SLC22A8: variants seen among roughly 807,000 people sequenced by gnomAD.
SLC22A8 encodes the protein solute carrier family 22 member 8, also known as organic anion transporter 3.
Under a neutral mutation model 48.4 loss-of-function variants are expected in SLC22A8, and 40 were observed. The ratio of observed to expected loss-of-function variants is 0.83; its 90% confidence interval spans 0.64 to 1.08. The LOEUF is 1.08. SLC22A8 is among the 50% of genes least tolerant of loss of function. The probability of loss-of-function intolerance (pLI) is 0.00; values close to 1 mark genes in which losing one functional copy is unlikely to be tolerated. For missense variants in SLC22A8, 606 were observed against 699.0 expected, an observed-to-expected ratio of 0.87 and a Z score of 1.50; for synonymous variants, 268 against 286.3, an observed-to-expected ratio of 0.94 and a Z score of 0.65.
At chr11:63,012,368 C>T (rs2086629277) in intron 2 of SLC22A8, among the ~76,000 whole-genome samples, 1 of 148,840 alleles carries the variant, frequency 6.7e-6, no homozygotes, top group African/African-American at 2.4e-5. Context: ...TCACTGCTCA[C>T]TAACTCTCAC....
At chr11:62,999,633 T>C in intron 4 of SLC22A8, 55 bp downstream of exon 4, 4 of 1,398,582 alleles carry the variant, frequency 2.9e-6, no homozygotes, top group Non-Finnish European at 3.8e-6. Flanking sequence ...CCATTCTCTT[T>C]TGGCTTCTGG....
chr11:63,004,424 G>C (rs1163543209), intron 2 of SLC22A8, among the ~76,000 whole-genome samples: 1 of 152,092 alleles, frequency 6.6e-6, no homozygotes, highest in Non-Finnish European at 1.5e-5. Flanking sequence ...TGTTCGCCTT[G>C]CTGCTCCATA....
intron 2 of SLC22A8, among the ~76,000 whole-genome samples, chr11:63,009,775 T>C (rs1448677103): frequency 6.6e-6 from 1 of 152,088 alleles, no homozygotes; most frequent in African/African-American, 2.4e-5. Context: ...GCTTGTGCAC[T>C]CCACCAGCTC....
In SLC22A8 at chr11:62,993,016, G is replaced by A; in HGVS notation, c.*221C>T. Reference sequence around the variant, plus strand: ...TGGGGAAGGGCTAGACAGAAGAATGGCAGGGCCTGGGTTGCAGGGAGAACA... The same window carrying A: ...TGGGGAAGGGCTAGACAGAAGAATGACAGGGCCTGGGTTGCAGGGAGAACA... On this transcript the variant is annotated 3_prime_UTR_variant, in exon 11 of 11. Coordinates refer to ENST00000336232, the MANE Select transcript of SLC22A8 (RefSeq NM_004254.4). 1 of 574,518 alleles carries A rather than the reference G, an allele frequency of 1.7e-6. No homozygotes were observed. Among genetic ancestry groups the A allele is most frequent in the South Asian group, 2.3e-5 (1 of 43,022 alleles). 35.6% of individuals were successfully genotyped at this position (574,518 alleles called of 1,614,324 possible). A position where few individuals can be genotyped will look rare whatever the true frequency, so the allele number is the denominator to read the frequency against.
At chr11:62,994,044 T>C in intron 8 of SLC22A8, 166 bp from the exon 9 acceptor site, 2 of 616,028 alleles carry the variant, frequency 3.2e-6, no homozygotes, top group Non-Finnish European at 2.9e-6. Flanking sequence ...ATGTTTGTGT[T>C]TTCCCCTGCC....
Position 62,993,483 on chromosome 11 carries a change from G to T in SLC22A8, c.1470C>A (p.Leu490=), listed in dbSNP as rs138015796. The T allele has an allele frequency of 5.8e-5, 93 of 1,614,230 alleles. No homozygotes were observed. In the African/African-American group the frequency reaches 1.0e-3, roughly 18 times the overall value. Residue 490 remains leucine (L), a synonymous_variant, in exon 10 of 11, where the codon CTC becomes CTA. Coordinates refer to ENST00000336232, the MANE Select transcript of SLC22A8 (RefSeq NM_004254.4). The stretch of plus-strand genomic sequence containing the variant: ...GCTGATTCAGGGTCTCAGGCAGGAA[G>T]AGGGCAGCACTGCCCCCGAGGAGGG... The part of the protein sequence containing the change: ...ITALLGGSAA[L]FLPETLNQPL...
At chr11:62,999,967 G>A in intron 3 of SLC22A8, 125 bp from the exon 4 acceptor site, 1 of 736,332 alleles carries the variant, frequency 1.4e-6, no homozygotes, top group Non-Finnish European at 2.0e-6. Context: ...GGCACATAAA[G>A]CTCCCTCCCC....
At chr11:63,003,874 C>G (rs182864042) in intron 2 of SLC22A8, among the ~76,000 whole-genome samples, 2 of 152,216 alleles carry the variant, frequency 1.3e-5, no homozygotes, top group Non-Finnish European at 2.9e-5. Flanking sequence ...GCAGAACCAC[C>G]CATTGGCCTA....
intron 1 of SLC22A8, 138 bp downstream of exon 1, chr11:63,015,591 T>C (rs1472330017): frequency 6.6e-6 from 1 of 152,448 alleles, no homozygotes; most frequent in Non-Finnish European, 1.5e-5. Context: ...GGGCCCACCA[T>C]GCTGGAGTAT....
Position 62,993,869 on chromosome 11 carries a change from G to T in SLC22A8, c.1226C>A (p.Thr409Asn). ...AAACACAGCCAATACTGTCCTCACGGTCTGCAAGTCTGCAGAGGGAAGAAA... is the reference window on the plus strand; with the variant it reads ...AAACACAGCCAATACTGTCCTCACGTTCTGCAAGTCTGCAGAGGGAAGAAA... ...ALTFVPLDLQ[T>N]VRTVLAVFGK... is the part of the protein sequence containing the mutation. The change falls in exon 9 of 11, where the codon ACC becomes AAC. Residue 409 changes from threonine (T) to asparagine (N), a missense_variant. By Grantham distance (65) the Thr-to-Asn change is moderately conservative. Transcript: ENST00000336232. The T allele has an allele frequency of 6.2e-7, 1 of 1,607,550 alleles. No individual in the cohort carries two copies.
intron 8 of SLC22A8, 108 bp downstream of exon 8, chr11:62,994,434 C>CTTAGAGG (rs2086384040): frequency 3.8e-6 from 3 of 787,890 alleles, no homozygotes; most frequent in Non-Finnish European, 6.4e-6. Flanking sequence ...AGTGCAGGGA[C>CTTAGAGG]CTGCTCAAGG....
chr11:63,006,477 C>G (rs1053828782), intron 2 of SLC22A8, among the ~76,000 whole-genome samples: 2 of 151,944 alleles, frequency 1.3e-5, no homozygotes, highest in Non-Finnish European at 2.9e-5. Flanking sequence ...CTCCTCATTT[C>G]CCTTTCTTGT....
At chr11:62,998,843 C>T in intron 5 of SLC22A8, 78 bp downstream of exon 5, 1 of 1,360,220 alleles carries the variant, frequency 7.4e-7, no homozygotes, top group Middle Eastern at 1.9e-4. Context: ...CAGAGTTGGC[C>T]AGCCTGGGCA....
At chr11:63,009,713 G>T (rs922383232) in intron 2 of SLC22A8, among the ~76,000 whole-genome samples, 8 of 152,168 alleles carry the variant, frequency 5.3e-5, no homozygotes, top group African/African-American at 1.7e-4. Flanking sequence ...AAGCTTAGGG[G>T]ATCAGAAGGG....
At chr11:63,010,806 C>T (rs749991701) in intron 2 of SLC22A8, among the ~76,000 whole-genome samples, 10 of 152,160 alleles carry the variant, frequency 6.6e-5, no homozygotes, top group African/African-American at 2.2e-4. Context: ...CTGGCTCAAG[C>T]GTGAACTGAT....
intron 5 of SLC22A8, 139 bp from the exon 6 acceptor site, chr11:62,996,291 T>A: frequency 1.1e-6 from 1 of 878,568 alleles, no homozygotes; most frequent in Non-Finnish European, 1.7e-6. Context: ...TCATGGAATT[T>A]AAACTTGGAC....
rs2086371844 is a variant in SLC22A8 at position 62,993,630 on chromosome 11, G to A, written c.1326-3C>T. ...TACTTACGCCCATACCTGTTTGCCTGCGAGGGTTCAGAGTAGGGATTGGTA... is the reference window on the plus strand; with the variant it reads ...TACTTACGCCCATACCTGTTTGCCTACGAGGGTTCAGAGTAGGGATTGGTA... On this transcript the variant is annotated splice_region_variant and splice_polypyrimidine_tract_variant and intron_variant, in intron 9 of 10. Coordinates refer to ENST00000336232, the MANE Select transcript of SLC22A8 (RefSeq NM_004254.4). 6 of 1,605,594 alleles carry A rather than the reference G, an allele frequency of 3.7e-6. No individual in the cohort carries two copies. The highest frequency in any genetic ancestry group is 4.3e-6 in the Non-Finnish European group (5 of 1,174,034).
intron 5 of SLC22A8, among the ~76,000 whole-genome samples, chr11:62,998,701 C>G (rs536435604): frequency 1.4e-3 from 212 of 152,360 alleles, no homozygotes; most frequent in Non-Finnish European, 2.3e-3. Context: ...TTACCCTCTT[C>G]TTCAGCTGCA....
At chr11:63,012,102 G>C (rs1379410913) in intron 2 of SLC22A8, among the ~76,000 whole-genome samples, 2 of 150,994 alleles carry the variant, frequency 1.3e-5, no homozygotes, top group Non-Finnish European at 2.9e-5. Flanking sequence ...CAATTCTCCT[G>C]TCTCAGCCAC....
Sources: gnomAD v4.1 joint callset for allele counts (sites outside exome capture counted in the v4.1 genomes callset) on GRCh38, gnomAD v4.1.1 for gene constraint, MANE v1.5 for transcripts, NCBI Gene and HGNC (gene_info 2026-07-23, HGNC 2026-07-21) for gene names.